TRA2B: variants seen among roughly 807,000 people sequenced by gnomAD.
TRA2B encodes the protein transformer-2 protein homolog beta.
A neutral mutation model predicts 41.7 loss-of-function variants in TRA2B; 14 were observed. The observed-to-expected ratio is 0.34, with a 90% confidence interval of 0.22 to 0.53. TRA2B has a LOEUF of 0.53. Ranked by LOEUF, TRA2B falls within the 20% of genes least tolerant of loss-of-function variation. TRA2B has a pLI of 0.95. For missense variants in TRA2B, 167 were observed against 396.8 expected (o/e 0.42, Z 4.92); for synonymous variants, 130 against 128.8 (o/e 1.01, Z -0.06).
intron 1 of TRA2B, among the ~76,000 whole-genome samples, chr3:185,930,272 T>C (rs758642967): frequency 2.0e-5 from 3 of 152,198 alleles, no homozygotes; most frequent in Non-Finnish European, 2.9e-5. Context: ...GTAATATTCA[T>C]TCACACATTT....
At chr3:185,924,212 A>G (rs868324051) in intron 3 of TRA2B, 12 of 372,456 alleles carry the variant, frequency 3.2e-5, no homozygotes, top group Middle Eastern at 6.9e-4. Context: ...TTAAGTAGGT[A>G]AACAAGCACT....
intron 1 of TRA2B, among the ~76,000 whole-genome samples, chr3:185,932,122 A>G (rs189668226): frequency 1.3e-5 from 2 of 152,312 alleles, no homozygotes; most frequent in Admixed American, 6.5e-5. Context: ...TGTTCATTTA[A>G]CATTTTAAGA....
intron 1 of TRA2B, chr3:185,935,313 C>T (rs1379216568): frequency 1.0e-6 from 1 of 985,094 alleles, no homozygotes; most frequent in Admixed American, 6.2e-5. Flanking sequence ...CCCCTATAGA[C>T]AGATTTTAGT....
chr3:185,936,695 G>A, intron 1 of TRA2B: 1 of 978,496 alleles, frequency 1.0e-6, no homozygotes. Context: ...TTTTAAAAAA[G>A]CACAAATTAT....
Position 185,934,294 on chromosome 3 carries a change from T to A in TRA2B, c.36+3531A>T, listed in dbSNP as rs959380719. 6 of 979,594 alleles carry A rather than the reference T, an allele frequency of 6.1e-6. No homozygotes were observed. The Admixed American group carries it at 3.7e-4, about 60-fold the overall frequency. 60.7% of individuals were successfully genotyped at this position (979,594 alleles called of 1,614,324 possible). A position where few individuals can be genotyped will look rare whatever the true frequency, so the allele number is the denominator to read the frequency against. On this transcript the variant is annotated intron_variant, in intron 1 of 8. Coordinates refer to ENST00000453386, the MANE Select transcript of TRA2B (RefSeq NM_004593.3). ...CCTGGGCAAAATAGCTATGAAAGCA[T>A]TAATATTTACCACCTACGTTCGGAT...
chr3:185,920,511 G>C (rs923987088), intron 6 of TRA2B, among the ~76,000 whole-genome samples: 2 of 152,012 alleles, frequency 1.3e-5, no homozygotes, highest in African/African-American at 4.8e-5. Flanking sequence ...CCGGGCTCAA[G>C]CAATTCCCCT....
At position 185,935,470 on chromosome 3, in the gene TRA2B, C is replaced by T. The variant is rs1217288366; in HGVS notation, c.36+2355G>A. On this transcript the variant is annotated intron_variant, in intron 1 of 8. Transcript: ENST00000453386. ...AACTGAGAATAATTTATCCCACACA[C>T]CCAACCTTAAAGGGGAGGGACACAA... The T allele has an allele frequency of 5.1e-6, 5 of 985,388 alleles. No individual in the cohort carries two copies. In the South Asian group the frequency reaches 1.9e-4, roughly 37 times the overall value. The allele number at this position is 985,388 out of a possible 1,614,324, so 61.0% of individuals were successfully genotyped here. A position where few individuals can be genotyped will look rare whatever the true frequency, so the allele number is the denominator to read the frequency against.
At chr3:185,937,439 G>A in intron 1 of TRA2B, 2 of 1,034,004 alleles carry the variant, frequency 1.9e-6, no homozygotes, top group Non-Finnish European at 2.3e-6. Context: ...TTGTGCCTCT[G>A]GCAGCTCGCC....
At position 185,916,983 on chromosome 3, in the gene TRA2B, T is replaced by C. The variant is rs1010035353; in HGVS notation, c.*732A>G. The C allele has an allele frequency of 6.6e-6, 1 of 152,630 alleles. No homozygotes were observed. The highest frequency in any genetic ancestry group is 2.4e-5 in the African/African-American group (1 of 41,452). 9.5% of individuals were successfully genotyped at this position (152,630 alleles called of 1,614,324 possible). A position where few individuals can be genotyped will look rare whatever the true frequency, so the allele number is the denominator to read the frequency against. Reference sequence around the variant, plus strand: ...ATTTGTGGTGGAATGTATTGTCACTTGCTGATAACTAGTTGAAATACCATT... The same window carrying C: ...ATTTGTGGTGGAATGTATTGTCACTCGCTGATAACTAGTTGAAATACCATT... On this transcript the variant is annotated 3_prime_UTR_variant, in exon 9 of 9. Transcript: ENST00000453386.
rs867294521 is a variant in TRA2B, at chr3:185,938,005, C to G, written c.-145G>C. 4 of 903,706 alleles carry G rather than the reference C, an allele frequency of 4.4e-6. No homozygotes were observed. In the Middle Eastern group the frequency reaches 8.5e-4, roughly 193 times the overall value. The allele number at this position is 903,706 out of a possible 1,614,324, so 56.0% of individuals were successfully genotyped here. A position where few individuals can be genotyped will look rare whatever the true frequency, so the allele number is the denominator to read the frequency against. ...GCCGAAATGCTCCGCACCGCCTCCG[C>G]ACGGGCTCTAACTCTACCGGATGTG... On this transcript the variant is annotated 5_prime_UTR_variant, in exon 1 of 9. Coordinates refer to ENST00000453386, the MANE Select transcript of TRA2B (RefSeq NM_004593.3).
At chr3:185,920,773 C>T (rs1442856338) in intron 6 of TRA2B, among the ~76,000 whole-genome samples, 1 of 152,132 alleles carries the variant, frequency 6.6e-6, no homozygotes, top group Admixed American at 6.6e-5. Context: ...AGGTGATCTG[C>T]CTGCCTTGGC....
chr3:185,918,081 G>C (rs368237848), intron 8 of TRA2B, among the ~76,000 whole-genome samples: 1 of 151,828 alleles, frequency 6.6e-6, no homozygotes, highest in African/African-American at 2.4e-5. Context: ...GCCTACTCTG[G>C]GTAAATGGTG....
intron 4 of TRA2B, chr3:185,922,650 T>G (rs1743786019): frequency 6.6e-6 from 1 of 152,296 alleles, no homozygotes; most frequent in African/African-American, 2.4e-5. Flanking sequence ...ACACATTATT[T>G]AACCCTTGGA....
Position 185,925,452 on chromosome 3 carries a change from T to C in TRA2B, c.333+12A>G. ...GGCAGTTGACTGCTTCAAAACCAGTTTTTCATCTTACCCGATTCCCAACAT... is the reference window on the plus strand; with the variant it reads ...GGCAGTTGACTGCTTCAAAACCAGTCTTTCATCTTACCCGATTCCCAACAT... On this transcript the variant is annotated intron_variant, in intron 3 of 8. Transcript: ENST00000453386. 1.9e-6 allele frequency: 3 copies of C among 1,610,216 alleles called. No individual in the cohort carries two copies. Among genetic ancestry groups the C allele is most frequent in the Non-Finnish European group, 2.5e-6 (3 of 1,178,734 alleles).
chr3:185,925,772 T>C (rs1283055863), intron 2 of TRA2B, 146 bp from the exon 3 acceptor site: 13 of 822,372 alleles, frequency 1.6e-5, no homozygotes, highest in African/African-American at 1.1e-4. Flanking sequence ...ATACTTTTCT[T>C]CTCTAATTAT....
intron 5 of TRA2B, among the ~76,000 whole-genome samples, chr3:185,921,502 C>T (rs1306310526): frequency 1.3e-5 from 2 of 152,210 alleles, no homozygotes; most frequent in African/African-American, 2.4e-5. Context: ...CAGCAACTCA[C>T]GCCTGTAATC....
intron 1 of TRA2B, chr3:185,931,522 AATGC>A: frequency 9.0e-7 from 1 of 1,111,340 alleles, no homozygotes; most frequent in Non-Finnish European, 1.1e-6. Context: ...TTAAACAAAT[AATGC>A]ATGCATGTTT....
chr3:185,931,956 TAAA>T (rs34361789), intron 1 of TRA2B: 4,274 of 504,092 alleles, frequency 8.5e-3, no homozygotes, highest in Non-Finnish European at 9.7e-3. Flanking sequence ...TGATTTGGAT[TAAA>T]AAAAAAAAAA....
rs11425526 is a variant in TRA2B at position 185,926,193 on chromosome 3, T to TAA, written c.170+406_170+407dup. ...TATATAGCCTACTTTTGACCAACAT[T>TAA]AAAAAAAAAAAAGCGCACCATATAT... On this transcript the variant is annotated intron_variant, in intron 2 of 8. Transcript: ENST00000453386. 1.4e-3 allele frequency among the ~76,000 whole-genome samples: 201 copies of TAA among 144,096 alleles called. 1 individual carries two copies. Among genetic ancestry groups the TAA allele is most frequent in the Middle Eastern group, 3.5e-3 (1 of 288 alleles). The allele number at this position is 144,096 out of a possible 152,430, so 94.5% of individuals were successfully genotyped here. A position where few individuals can be genotyped will look rare whatever the true frequency, so the allele number is the denominator to read the frequency against.
Sources: gnomAD v4.1 joint callset for allele counts (sites outside exome capture counted in the v4.1 genomes callset) on GRCh38, gnomAD v4.1.1 for gene constraint, MANE v1.5 for transcripts, NCBI Gene and HGNC (gene_info 2026-07-23, HGNC 2026-07-21) for gene names.